Variants in MECOM observed in about 807,000 individuals in gnomAD.
MECOM encodes MDS1 and EVI1 complex locus, also known as histone-lysine N-methyltransferase MECOM.
In MECOM, 13 loss-of-function variants were observed where a neutral mutation model predicts 116.3. That is an observed-to-expected ratio of 0.11 (90% confidence interval 0.07 to 0.18). MECOM has a LOEUF of 0.18. MECOM is among the 10% of genes least tolerant of loss of function. The pLI, the probability that MECOM is intolerant of heterozygous loss-of-function variation, is 1.00. For missense variants in MECOM, 1,299 were observed against 1,509.0 expected (o/e 0.86, Z 2.31); for synonymous variants, 528 against 535.2 (o/e 0.99, Z 0.19).
intron 1 of MECOM, among the ~76,000 whole-genome samples, chr3:169,515,754 C>T (rs1311966827): frequency 6.6e-6 from 1 of 152,238 alleles, no homozygotes; most frequent in African/African-American, 2.4e-5. Context: ...CATTCCACCA[C>T]ATACTACAGA....
chr3:169,422,114 C>T (rs1253375139), intron 1 of MECOM, among the ~76,000 whole-genome samples: 1 of 151,982 alleles, frequency 6.6e-6, no homozygotes, highest in Non-Finnish European at 1.5e-5. Context: ...ATCCTAGTTA[C>T]CAGTATAAGG....
chr3:169,109,220 T>A (rs1025035732), intron 9 of MECOM, among the ~76,000 whole-genome samples: 1 of 152,182 alleles, frequency 6.6e-6, no homozygotes, highest in African/African-American at 2.4e-5. Flanking sequence ...TAATTTTCAA[T>A]CACATATGCA....
At chr3:169,134,318 G>A (rs1735709709) in intron 3 of MECOM, among the ~76,000 whole-genome samples, 1 of 152,162 alleles carries the variant, frequency 6.6e-6, no homozygotes, top group Non-Finnish European at 1.5e-5. Flanking sequence ...AGTCCAGATT[G>A]TCATGTGAAG....
intron 2 of MECOM, among the ~76,000 whole-genome samples, chr3:169,229,036 C>A (rs1024765825): frequency 6.6e-6 from 1 of 152,182 alleles, no homozygotes; most frequent in African/African-American, 2.4e-5. Context: ...ATGGCCCAAG[C>A]TTTTCACACT....
intron 4 of MECOM, among the ~76,000 whole-genome samples, chr3:169,128,419 G>A (rs910263845): frequency 6.6e-6 from 1 of 152,212 alleles, no homozygotes; most frequent in Non-Finnish European, 1.5e-5. Flanking sequence ...ATGAGGAATT[G>A]TAAGTCAGAT....
chr3:169,602,950 A>G (rs1767999057), intron 1 of MECOM, among the ~76,000 whole-genome samples: 1 of 152,230 alleles, frequency 6.6e-6, no homozygotes, highest in Admixed American at 6.5e-5. Flanking sequence ...GCTAGCCCCC[A>G]ATACATATAT....
In MECOM at chr3:169,611,374, G is replaced by A. The variant is rs1345417664; in HGVS notation, c.37+51962C>T. On this transcript the variant is annotated intron_variant, in intron 1 of 16. Transcript: ENST00000651503. The surrounding 1 kb of genome is among the most constrained non-coding windows in gnomAD (Gnocchi z 4.1). ...GGGATCCTGCAGCTCTCAACCATGC[G>A]GAGGAACGCTTCCATTCACACATTT... 2.0e-5 allele frequency among the ~76,000 whole-genome samples: 3 copies of A among 152,166 alleles called. No individual in the cohort carries two copies. Among genetic ancestry groups the A allele is most frequent in the Non-Finnish European group, 4.4e-5 (3 of 68,024 alleles).
At chr3:169,421,854 T>A (rs1178617430) in intron 1 of MECOM, among the ~76,000 whole-genome samples, 2 of 152,096 alleles carry the variant, frequency 1.3e-5, no homozygotes, top group African/African-American at 4.8e-5. Flanking sequence ...TAGGTGGACA[T>A]GATTAAACAT....
At chr3:169,183,819 C>CACAT (rs1553761844) in intron 2 of MECOM, among the ~76,000 whole-genome samples, 13 of 87,570 alleles carry the variant, frequency 1.5e-4, no homozygotes, top group African/African-American at 7.6e-4. Flanking sequence ...CACACACACA[C>CACAT]ATATATATAT....
chr3:169,188,757 A>G (rs1301734811), intron 2 of MECOM, among the ~76,000 whole-genome samples: 3 of 152,152 alleles, frequency 2.0e-5, no homozygotes, highest in African/African-American at 7.2e-5. Context: ...ACAATAGCAT[A>G]TAATATCCCC....
rs142716481 is a variant in MECOM at position 169,441,889 on chromosome 3, C to T, written c.38-60365G>A. On this transcript the variant is annotated intron_variant, in intron 1 of 16. Coordinates refer to ENST00000651503, the MANE Select transcript of MECOM (RefSeq NM_004991.4). ...GGGATTACAGGCACCCACCACCACGCCTGGCTAATGTTTTGTTTTGTTTTG... is the reference window on the plus strand; with the variant it reads ...GGGATTACAGGCACCCACCACCACGTCTGGCTAATGTTTTGTTTTGTTTTG... Among the ~76,000 whole-genome samples, 367 of 151,584 alleles carry T rather than the reference C, an allele frequency of 2.4e-3. 1 individual carries two copies. Among genetic ancestry groups the T allele is most frequent in the African/African-American group, 8.6e-3 (357 of 41,334 alleles).
intron 2 of MECOM, among the ~76,000 whole-genome samples, chr3:169,205,546 T>C (rs1011199565): frequency 6.6e-6 from 1 of 152,144 alleles, no homozygotes; most frequent in African/African-American, 2.4e-5. Context: ...GTAAATACAG[T>C]GTACTAGCCA....
chr3:169,483,982 A>C, intron 1 of MECOM: 1 of 1,601,962 alleles, frequency 6.2e-7, no homozygotes. Flanking sequence ...GGGTGCAATC[A>C]AGAGTGAACT....
Position 169,535,775 on chromosome 3 carries a change from A to C in MECOM, c.37+127561T>G, listed in dbSNP as rs1032754642. ...TAACTGAGCCTGATATGTCGTAGGCACTCAATAAATATTGATTGAGCAAAT... is the reference window on the plus strand; with the variant it reads ...TAACTGAGCCTGATATGTCGTAGGCCCTCAATAAATATTGATTGAGCAAAT... On this transcript the variant is annotated intron_variant, in intron 1 of 16. Transcript: ENST00000651503. 4.6e-5 allele frequency among the ~76,000 whole-genome samples: 7 copies of C among 152,308 alleles called. No homozygotes were observed. The South Asian group carries it at 8.3e-4, about 18-fold the overall frequency.
At chr3:169,554,365 A>G (rs1048542754) in intron 1 of MECOM, among the ~76,000 whole-genome samples, 11 of 152,192 alleles carry the variant, frequency 7.2e-5, no homozygotes, top group Non-Finnish European at 1.3e-4. Flanking sequence ...CATCACTTCA[A>G]TTATGCCTTC....
intron 2 of MECOM, among the ~76,000 whole-genome samples, chr3:169,358,966 C>T (rs1727755938): frequency 6.6e-6 from 1 of 151,616 alleles, no homozygotes; most frequent in Non-Finnish European, 1.5e-5. Context: ...ACTTCTTTTT[C>T]ATCTATTTTT....
intron 1 of MECOM, among the ~76,000 whole-genome samples, chr3:169,502,099 G>A (rs148106860): frequency 3.3e-5 from 5 of 152,040 alleles, no homozygotes; most frequent in Admixed American, 6.6e-5. Flanking sequence ...TTGTTTTCTC[G>A]CAGGCCAGGA....
chr3:169,321,536 GT>G (rs1204537190), intron 2 of MECOM, among the ~76,000 whole-genome samples: 1 of 146,994 alleles, frequency 6.8e-6, no homozygotes, highest in African/African-American at 2.7e-5. Flanking sequence ...GCGAGACTCC[GT>G]CTCAAAAAAA....
At position 169,083,888 on chromosome 3, in the gene MECOM, A is replaced by G. The variant is rs988241473; in HGVS notation, c.*1021T>C. On this transcript the variant is annotated 3_prime_UTR_variant, in exon 17 of 17. Transcript: ENST00000651503. Reference sequence around the variant, plus strand: ...ACAATTGAATCGATTTCAGTATTACAAAAACTAAGTTGCATCTATTCGTAT... The same window carrying G: ...ACAATTGAATCGATTTCAGTATTACGAAAACTAAGTTGCATCTATTCGTAT... 1 of 221,596 alleles carries G rather than the reference A, an allele frequency of 4.5e-6. No individual in the cohort carries two copies. The highest frequency in any genetic ancestry group is 2.2e-5 in the African/African-American group (1 of 44,764). 13.7% of individuals were successfully genotyped at this position (221,596 alleles called of 1,614,324 possible). A position where few individuals can be genotyped will look rare whatever the true frequency, so the allele number is the denominator to read the frequency against.
Sources: allele counts gnomAD v4.1 joint callset (sites outside exome capture counted in the v4.1 genomes callset), GRCh38; gene constraint gnomAD v4.1.1; non-coding constraint Gnocchi (gnomAD v3.1); transcripts MANE v1.5; gene names NCBI Gene and HGNC (gene_info 2026-07-23, HGNC 2026-07-21).